Variants in PCDHGA2 observed in about 807,000 individuals in gnomAD.
The protein encoded by PCDHGA2 is protocadherin gamma-A2.
Under a neutral mutation model 59.2 loss-of-function variants are expected in PCDHGA2, and 40 were observed. The observed-to-expected ratio is 0.68, with a 90% confidence interval of 0.52 to 0.88. PCDHGA2 has a LOEUF of 0.88. Ranked by LOEUF, PCDHGA2 falls within the 40% of genes least tolerant of loss-of-function variation. PCDHGA2 has a pLI of 0.00. For synonymous variants in PCDHGA2, 560 were observed against 526.0 expected (o/e 1.06, Z -0.89); for missense variants, 1,226 against 1,204.0 (o/e 1.02, Z -0.27).
At chr5:141,366,704 C>T in intron 1 of PCDHGA2, 1 of 1,614,250 alleles carries the variant, frequency 6.2e-7, no homozygotes, top group Non-Finnish European at 8.5e-7. Flanking sequence ...CGAGCCTCTT[C>T]TGATGTCTGA....
rs551458033 is a variant in PCDHGA2 at position 141,361,995 on chromosome 5, G to C, written c.2424+20600G>C. The C allele has an allele frequency of 8.7e-6, 14 of 1,603,208 alleles. No individual in the cohort carries two copies. The East Asian group carries it at 2.5e-4, about 28-fold the overall frequency. On this transcript the variant is annotated intron_variant, in intron 1 of 3. Coordinates refer to ENST00000394576, the MANE Select transcript of PCDHGA2 (RefSeq NM_018915.4). ...GCGAGCCCGGGCTCTTCAGCCTGGG[G>C]TTGCGCACGGGTGAGGTGCGCACAG... is the stretch of plus-strand genomic sequence containing the variant.
chr5:141,487,591 C>T lies in PCDHGA2; in HGVS notation c.2425-7216C>T. 8 of 1,614,176 alleles carry T rather than the reference C, an allele frequency of 5.0e-6. No homozygotes were observed. The highest frequency in any genetic ancestry group is 6.8e-6 in the Non-Finnish European group (8 of 1,180,036). On this transcript the variant is annotated intron_variant, in intron 1 of 3. Coordinates refer to ENST00000394576, the MANE Select transcript of PCDHGA2 (RefSeq NM_018915.4). The surrounding 1 kb of genome is among the most constrained non-coding windows in gnomAD (Gnocchi z 5.0). ...AGCCTGTTCGCCCAAGCTGCCCACC[C>T]TCTGATCTTCTCTATGGGCTAGAGG...
chr5:141,427,871 G>T, intron 1 of PCDHGA2: 1 of 1,559,532 alleles, frequency 6.4e-7, no homozygotes, highest in Non-Finnish European at 8.8e-7. Flanking sequence ...TCGAGCTCAC[G>T]ATGCAGGCCC....
Position 141,431,818 on chromosome 5 carries a change from C to T in PCDHGA2, c.2425-62989C>T, listed in dbSNP as rs201311339. On this transcript the variant is annotated intron_variant, in intron 1 of 3. Coordinates refer to ENST00000394576, the MANE Select transcript of PCDHGA2 (RefSeq NM_018915.4). This position sits in a 1 kb window ranked among gnomAD's most constrained non-coding sequence, Gnocchi z 4.8. ...CAGAAGTGGTCCTCACCTCTCTCGCCAGCTCGGTTCCCGAAAACTCTCCCA... is the reference window on the plus strand; with the variant it reads ...CAGAAGTGGTCCTCACCTCTCTCGCTAGCTCGGTTCCCGAAAACTCTCCCA... 130 of 1,614,122 alleles carry T rather than the reference C, an allele frequency of 8.1e-5. No homozygotes were observed. Among genetic ancestry groups the T allele is most frequent in the Non-Finnish European group, 1.0e-4 (121 of 1,180,040 alleles).
chr5:141,458,718 C>T (rs569153299), intron 1 of PCDHGA2, among the ~76,000 whole-genome samples: 3 of 151,942 alleles, frequency 2.0e-5, no homozygotes, highest in African/African-American at 4.8e-5. Context: ...TACAGGTATT[C>T]GCCACCACAT....
chr5:141,360,414 A>G, intron 1 of PCDHGA2: 1 of 1,614,020 alleles, frequency 6.2e-7, no homozygotes, highest in Non-Finnish European at 8.5e-7. Flanking sequence ...TAGACCGAGA[A>G]CAGATATGCG....
chr5:141,483,648 TTGTGTGTGTGTGTG>T (rs111458813), intron 1 of PCDHGA2, among the ~76,000 whole-genome samples: 1 of 149,592 alleles, frequency 6.7e-6, no homozygotes, highest in Non-Finnish European at 1.5e-5. Flanking sequence ...GGGTGTGTGT[TTGTGTGTGTGTGTG>T]TGTGTGTAAA....
rs2096205933 is a variant in PCDHGA2, at chr5:141,417,998, G to C, written c.2424+76603G>C. ...GGAGGAGCTGGCCAAGGGCTCGGTGGTGGGGAACCTCGCTAAGGATCTAGG... is the reference window on the plus strand; with the variant it reads ...GGAGGAGCTGGCCAAGGGCTCGGTGCTGGGGAACCTCGCTAAGGATCTAGG... On this transcript the variant is annotated intron_variant, in intron 1 of 3. Transcript: ENST00000394576. The C allele has an allele frequency of 1.9e-6, 3 of 1,613,928 alleles. No individual in the cohort carries two copies. The East Asian group carries it at 6.7e-5, about 36-fold the overall frequency.
intron 1 of PCDHGA2, chr5:141,402,812 C>T: frequency 8.0e-7 from 1 of 1,243,800 alleles, no homozygotes; most frequent in East Asian, 2.6e-5. Flanking sequence ...GCAGATACCA[C>T]AAACCTGCTC....
At chr5:141,385,260 A>G (rs1337413063) in intron 1 of PCDHGA2, 1 of 1,613,648 alleles carries the variant, frequency 6.2e-7, no homozygotes, top group African/African-American at 1.3e-5. Flanking sequence ...GCTGTGAGAA[A>G]AATGATTCTT....
intron 1 of PCDHGA2, among the ~76,000 whole-genome samples, chr5:141,448,378 A>G (rs1288817591): frequency 6.6e-6 from 1 of 152,154 alleles, no homozygotes; most frequent in East Asian, 1.9e-4. Context: ...ATTTTTGAAT[A>G]GGAAATACAT....
At chr5:141,383,393 A>G in intron 1 of PCDHGA2, 1 of 1,613,922 alleles carries the variant, frequency 6.2e-7, no homozygotes, top group Non-Finnish European at 8.5e-7. Context: ...GTGGGCACGA[A>G]CTCCCTCCAG....
chr5:141,355,142 CTCCTCAGGCCT>C, intron 1 of PCDHGA2: 1 of 1,526,256 alleles, frequency 6.6e-7, no homozygotes, highest in East Asian at 2.3e-5. Context: ...GATCCTGGGG[CTCCTCAGGCCT>C]CGACAGAGGG....
At chr5:141,395,348 A>T (rs2093219591) in intron 1 of PCDHGA2, 1 of 1,391,964 alleles carries the variant, frequency 7.2e-7, no homozygotes, top group East Asian at 2.4e-5. Flanking sequence ...AAGGTGTATC[A>T]CAGAGTTTTG....
intron 1 of PCDHGA2, chr5:141,345,598 AC>A: frequency 3.1e-6 from 5 of 1,614,168 alleles, no homozygotes; most frequent in Middle Eastern, 3.3e-4. Context: ...TCCTTCGACT[AC>A]GAGCAATTTA....
chr5:141,346,913 T>C (rs1337945635), intron 1 of PCDHGA2, among the ~76,000 whole-genome samples: 4 of 152,212 alleles, frequency 2.6e-5, no homozygotes, highest in Non-Finnish European at 5.9e-5. Flanking sequence ...CAAGTAAAAA[T>C]ACATATGAAT....
rs1035284319 is a variant in PCDHGA2, at chr5:141,368,926, G to C, written c.2424+27531G>C. Among the ~76,000 whole-genome samples, 16 of 152,178 alleles carry C rather than the reference G, an allele frequency of 1.1e-4. 2 individuals are homozygous for C. The highest frequency in any genetic ancestry group is 5.2e-4 in the Admixed American group (8 of 15,270). On this transcript the variant is annotated intron_variant, in intron 1 of 3. Transcript: ENST00000394576. Reference sequence around the variant, plus strand: ...TGTATAAAGGTGACAATGAGTGTCTGTCTAGAATTCTGGTTACTGTGAGTA... The same window carrying C: ...TGTATAAAGGTGACAATGAGTGTCTCTCTAGAATTCTGGTTACTGTGAGTA...
chr5:141,339,505 C>T lies in PCDHGA2; in HGVS notation c.534C>T (p.Phe178=). The change falls in exon 1 of 4, where the codon TTC becomes TTT. Residue 178 remains phenylalanine (F), a synonymous_variant. Transcript: ENST00000394576. ...QKYALNPNDH[F]SLDVRRGADG... ...ACGCACTCAACCCAAATGACCACTT[C>T]TCCCTGGACGTGCGAAGGGGAGCTG... 4 of 1,614,198 alleles carry T rather than the reference C, an allele frequency of 2.5e-6. No individual in the cohort carries two copies. Among genetic ancestry groups the T allele is most frequent in the Non-Finnish European group, 3.4e-6 (4 of 1,180,034 alleles).
intron 1 of PCDHGA2, chr5:141,383,006 C>A (rs751850819): frequency 1.9e-6 from 3 of 1,613,640 alleles, no homozygotes; most frequent in Non-Finnish European, 2.5e-6. Context: ...TACTCCGTGT[C>A]GGAGGAGACG....
Sources: gnomAD v4.1 joint callset for allele counts (sites outside exome capture counted in the v4.1 genomes callset) on GRCh38, gnomAD v4.1.1 for gene constraint, Gnocchi (gnomAD v3.1) non-coding constraint, MANE v1.5 for transcripts, NCBI Gene and HGNC (gene_info 2026-07-23, HGNC 2026-07-21) for gene names.